TAPBP: variants seen among roughly 807,000 people sequenced by gnomAD.
TAPBP encodes tapasin.
Under a neutral mutation model 45.7 loss-of-function variants are expected in TAPBP, and 38 were observed. The ratio of observed to expected loss-of-function variants is 0.83; its 90% CI spans 0.64 to 1.09. The LOEUF (loss-of-function observed/expected upper bound fraction) is 1.09, where lower values mean the gene tolerates loss of function less well. TAPBP is among the 50% of genes least tolerant of loss of function. TAPBP has a pLI of 0.00. For missense variants in TAPBP, 513 were observed against 587.3 expected, an observed-to-expected ratio of 0.87 and a Z score of 1.31; for synonymous variants, 226 against 254.8, an observed-to-expected ratio of 0.89 and a Z score of 1.08.
At chr6:33,303,588 G>A in intron 7 of TAPBP, 1 of 789,770 alleles carries the variant, frequency 1.3e-6, no homozygotes, top group Non-Finnish European at 1.9e-6. Flanking sequence ...AAGCATTTCA[G>A]ATAAGGGACC....
At chr6:33,312,911 G>C (rs1769456180) in intron 3 of TAPBP, 1 of 366,012 alleles carries the variant, frequency 2.7e-6, no homozygotes, top group African/African-American at 2.1e-5. Context: ...GTCTGGTGTC[G>C]GGAAACCCCA....
In TAPBP at chr6:33,304,572, T is replaced by A. The variant is rs1203367501; in HGVS notation, c.935A>T (p.Glu312Val). The change falls in exon 5 of 8, where the codon GAA becomes GTA. Residue 312 changes from glutamate (E) to valine (V), a missense_variant. Transcript: ENST00000434618. Reference sequence around the variant, plus strand: ...GAAGTGGGACACAAGGCAGAGCAATTCCGGGGGTGCCTCCCCTGGGGCGGC... The same window carrying A: ...GAAGTGGGACACAAGGCAGAGCAATACCGGGGGTGCCTCCCCTGGGGCGGC... ...ARAAPGEAPP[E>V]LLCLVSHFYP... 1.1e-5 allele frequency: 17 copies of A among 1,605,216 alleles called. No individual in the cohort carries two copies. Among genetic ancestry groups the A allele is most frequent in the Non-Finnish European group, 1.4e-5 (16 of 1,179,112 alleles).
At position 33,301,702 on chromosome 6, in the gene TAPBP, A is replaced by G; in HGVS notation, c.*58T>C. 5 of 1,480,720 alleles carry G rather than the reference A, an allele frequency of 3.4e-6. No homozygotes were observed. The South Asian group carries it at 5.7e-5, about 17-fold the overall frequency. The allele number at this position is 1,480,720 out of a possible 1,614,324, so 91.7% of individuals were successfully genotyped here. A position where few individuals can be genotyped will look rare whatever the true frequency, so the allele number is the denominator to read the frequency against. ...TGATAGGGTATTATTTTAGGGAGCT[A>G]CTACAGAAGCTTGGGCCAGAGATGA... On this transcript the variant is annotated 3_prime_UTR_variant, in exon 8 of 8. Coordinates refer to ENST00000434618, the MANE Select transcript of TAPBP (RefSeq NM_003190.5).
intron 3 of TAPBP, among the ~76,000 whole-genome samples, chr6:33,307,593 G>A (rs959050281): frequency 2.0e-5 from 3 of 151,822 alleles, no homozygotes; most frequent in African/African-American, 7.3e-5. Context: ...GTAGAGATGG[G>A]GTTTCACCAT....
chr6:33,303,876 A>C, intron 7 of TAPBP, 79 bp downstream of exon 7: 3 of 1,613,864 alleles, frequency 1.9e-6, no homozygotes, highest in Non-Finnish European at 2.5e-6. Context: ...CCACACCAGC[A>C]GCCTCCCTCC....
At chr6:33,304,837 A>C in intron 4 of TAPBP, 152 bp downstream of exon 4, 2 of 1,343,754 alleles carry the variant, frequency 1.5e-6, no homozygotes, top group South Asian at 1.4e-5. Flanking sequence ...GGAAACTTCT[A>C]GCCTCCCATT....
chr6:33,310,505 CAAA>C (rs9280402), intron 3 of TAPBP, among the ~76,000 whole-genome samples: 8 of 47,820 alleles, frequency 1.7e-4, no homozygotes, highest in Admixed American at 2.8e-4. Flanking sequence ...GACTCTGTCT[CAAA>C]AAAAAAAAAA....
chr6:33,304,111 G>A lies in TAPBP; in HGVS notation c.1300+17C>T, dbSNP rs771709981. On this transcript the variant is annotated intron_variant, in intron 6 of 7. Transcript: ENST00000434618. ...CCACCAACCTCAGGTCATGGTCAGG[G>A]TAGGGCTGACACTTACCAGCCCAGC... 20 of 1,612,678 alleles carry A rather than the reference G, an allele frequency of 1.2e-5. No individual in the cohort carries two copies. The highest frequency in any genetic ancestry group is 3.4e-6 in the Non-Finnish European group (4 of 1,179,458).
rs754544778 is a variant in TAPBP, at chr6:33,313,444, C to T, written c.242G>A (p.Arg81Gln). 6.3e-7 allele frequency: 1 copy of T among 1,591,846 alleles called. No individual in the cohort carries two copies. The highest frequency in any genetic ancestry group is 8.6e-7 in the Non-Finnish European group (1 of 1,166,024). ...PAGALQAAFRRYPRGAPAPHC... is the reference protein window; with the variant it reads ...PAGALQAAFRQYPRGAPAPHC... ...TGGTGCGGGGGCGCCCCGGGGATAC[C>T]GCCTGAAGGCAGCCTGGAGGGCGCC... The change falls in exon 3 of 8, where the codon CGG becomes CAG. Residue 81 changes from arginine (R) to glutamine (Q), a missense_variant. Physicochemically the swap from Arg to Gln is conservative, Grantham distance 43. Transcript: ENST00000434618. This position sits in a 1 kb window ranked among gnomAD's most constrained non-coding sequence, Gnocchi z 7.2.
At chr6:33,309,654 G>A (rs1261020446) in intron 3 of TAPBP, among the ~76,000 whole-genome samples, 1 of 115,218 alleles carries the variant, frequency 8.7e-6, no homozygotes, top group African/African-American at 3.5e-5. Flanking sequence ...ACCCATCAAA[G>A]GTGCAATCCT....
rs554731016 is a variant in TAPBP at position 33,306,045 on chromosome 6, T to C, written c.470-658A>G. On this transcript the variant is annotated intron_variant, in intron 3 of 7. Coordinates refer to ENST00000434618, the MANE Select transcript of TAPBP (RefSeq NM_003190.5). ...AATTAAAAGTTGATGATAATAATAG[T>C]ACCTACTTCATGAGGTTGTTGTGAT... Among the ~76,000 whole-genome samples the C allele has an allele frequency of 6.7e-4, 102 of 152,344 alleles. 1 individual carries two copies. The highest frequency in any genetic ancestry group is 2.4e-3 in the African/African-American group (101 of 41,576).
intron 3 of TAPBP, among the ~76,000 whole-genome samples, chr6:33,309,073 C>A (rs1769161212): frequency 7.3e-6 from 1 of 137,666 alleles, no homozygotes. Context: ...AATCCAGAAA[C>A]ATACTTTTGA....
Position 33,305,637 on chromosome 6 carries a change from G to A in TAPBP, c.470-250C>T, listed in dbSNP as rs1768927658. ...GGGTGGTGAGTAGGGGCAATGAGGGGGTATGGCCTTTGAAGCCTACTCTGA... is the reference window on the plus strand; with the variant it reads ...GGGTGGTGAGTAGGGGCAATGAGGGAGTATGGCCTTTGAAGCCTACTCTGA... On this transcript the variant is annotated intron_variant, in intron 3 of 7. Transcript: ENST00000434618. This position sits in a 1 kb window ranked among gnomAD's most constrained non-coding sequence, Gnocchi z 4.4. 6.6e-6 allele frequency among the ~76,000 whole-genome samples: 1 copy of A among 151,972 alleles called. No homozygotes were observed. Among genetic ancestry groups the A allele is most frequent in the African/African-American group, 2.4e-5 (1 of 41,374 alleles).
chr6:33,313,094 AC>A lies in TAPBP; in HGVS notation c.469+122del. 2 of 1,193,492 alleles carry A rather than the reference AC, an allele frequency of 1.7e-6. No homozygotes were observed. The highest frequency in any genetic ancestry group is 2.4e-6 in the Non-Finnish European group (2 of 850,634). 73.9% of individuals were successfully genotyped at this position (1,193,492 alleles called of 1,614,324 possible). A position where few individuals can be genotyped will look rare whatever the true frequency, so the allele number is the denominator to read the frequency against. On this transcript the variant is annotated intron_variant, in intron 3 of 7. Transcript: ENST00000434618. This position sits in a 1 kb window ranked among gnomAD's most constrained non-coding sequence, Gnocchi z 7.2. ...CATTCTAGCCAAACCACCTCTCTTA[AC>A]AAAAAAAGGAAACTGAACCCCGATT...
Position 33,301,590 on chromosome 6 carries a change from G to T in TAPBP, c.*170C>A. The T allele has an allele frequency of 1.6e-5, 9 of 558,012 alleles. No homozygotes were observed. Among genetic ancestry groups the T allele is most frequent in the East Asian group, 3.0e-5 (1 of 33,234 alleles). The allele number at this position is 558,012 out of a possible 1,614,324, so 34.6% of individuals were successfully genotyped here. On this transcript the variant is annotated 3_prime_UTR_variant, in exon 8 of 8. Transcript: ENST00000434618. ...CTCCGTCTCAAAAAAAAAAAAAAAA[G>T]AAAAATTATCCCTTATATAAGTGAA...
At chr6:33,312,996 G>A in intron 3 of TAPBP, 1 of 451,586 alleles carries the variant, frequency 2.2e-6, no homozygotes, top group Non-Finnish European at 3.7e-6. Context: ...CCTACCCCCT[G>A]CCAAGCTGCA....
chr6:33,304,191 T>C lies in TAPBP; in HGVS notation c.1237A>G (p.Ser413Gly). The C allele has an allele frequency of 1.9e-6, 3 of 1,613,738 alleles. No homozygotes were observed. The highest frequency in any genetic ancestry group is 2.5e-6 in the Non-Finnish European group (3 of 1,179,896). Reference protein sequence around the residue: ...AGLSGPSLEDSVGLFLSAFLL... With the variant: ...AGLSGPSLEDGVGLFLSAFLL... ...AAGGCAGACAGGAAAAGGCCTACGC[T>C]GTCCTCAAGGGAGGGCCCTGAAAGA... Residue 413 changes from serine (S) to glycine (G), a missense_variant, in exon 6 of 8, where the codon AGC (serine) becomes GGC (glycine). Transcript: ENST00000434618.
At chr6:33,303,607 TA>T in intron 7 of TAPBP, 1 of 879,312 alleles carries the variant, frequency 1.1e-6, no homozygotes, top group South Asian at 2.0e-5. Flanking sequence ...CCAGAATTAT[TA>T]GATTAAATAA....
At position 33,313,517 on chromosome 6, in the gene TAPBP, C is replaced by T; in HGVS notation, c.209-40G>A. 6.6e-7 allele frequency: 1 copy of T among 1,517,720 alleles called. No homozygotes were observed. Among genetic ancestry groups the T allele is most frequent in the South Asian group, 1.3e-5 (1 of 79,576 alleles). The allele number at this position is 1,517,720 out of a possible 1,614,324, so 94.0% of individuals were successfully genotyped here. A position where few individuals can be genotyped will look rare whatever the true frequency, so the allele number is the denominator to read the frequency against. Reference sequence around the variant, plus strand: ...GGAAGTTGCAGCTGTAGAGTCACCGCCGGGAAAGGGGCTGGAAGGGCAGCG... The same window carrying T: ...GGAAGTTGCAGCTGTAGAGTCACCGTCGGGAAAGGGGCTGGAAGGGCAGCG... On this transcript the variant is annotated intron_variant, in intron 2 of 7. Transcript: ENST00000434618. The surrounding 1 kb of genome is among the most constrained non-coding windows in gnomAD (Gnocchi z 7.2).
Sources: allele counts gnomAD v4.1 joint callset (sites outside exome capture counted in the v4.1 genomes callset), GRCh38; gene constraint gnomAD v4.1.1; non-coding constraint Gnocchi (gnomAD v3.1); transcripts MANE v1.5; gene names NCBI Gene and HGNC (gene_info 2026-07-23, HGNC 2026-07-21).